Variants in CCDC171 observed in about 807,000 individuals in gnomAD.
The protein encoded by CCDC171 is coiled-coil domain-containing protein 171.
Under a neutral mutation model 168.2 loss-of-function variants are expected in CCDC171, and 177 were observed. The ratio of observed to expected loss-of-function variants is 1.05; its 90% CI spans 0.93 to 1.19. CCDC171 has a LOEUF of 1.19. CCDC171 is among the 50% of genes most tolerant of loss of function. The pLI is 0.00. For synonymous variants in CCDC171, 687 were observed against 540.8 expected (o/e 1.27, Z -3.75); for missense variants, 1,991 against 1,539.0 (o/e 1.29, Z -4.91).
intron 7 of CCDC171, among the ~76,000 whole-genome samples, chr9:15,628,473 G>A (rs908464125): frequency 6.6e-6 from 1 of 152,220 alleles, no homozygotes; most frequent in African/African-American, 2.4e-5. Context: ...GCGAGGCTAG[G>A]GGAGGGGCGG....
chr9:15,586,902 G>A (rs934213011), intron 4 of CCDC171, among the ~76,000 whole-genome samples: 9 of 151,992 alleles, frequency 5.9e-5, no homozygotes, highest in Non-Finnish European at 1.2e-4. Context: ...TGAACTCCTG[G>A]GCTTAAGCCA....
chr9:15,893,347 G>T (rs1376896369), intron 24 of CCDC171, among the ~76,000 whole-genome samples: 1 of 152,094 alleles, frequency 6.6e-6, no homozygotes, highest in African/African-American at 2.4e-5. Flanking sequence ...GAAAATCTAG[G>T]TAGTACCACT....
intron 21 of CCDC171, among the ~76,000 whole-genome samples, chr9:15,805,562 T>A (rs1187631235): frequency 6.6e-6 from 1 of 152,116 alleles, no homozygotes; most frequent in East Asian, 1.9e-4. Context: ...TTCCAGTGAA[T>A]TTTTTTAGCA....
At chr9:16,061,338 C>G (rs914565409), downstream of CCDC171, 8 of 152,172 alleles carry the variant, frequency 5.3e-5, no homozygotes, top group Non-Finnish European at 1.2e-4. Context: ...GTTCCTTGAG[C>G]TCTAACACTC....
At chr9:15,557,286 TG>T (rs1401088365) in intron 1 of CCDC171, among the ~76,000 whole-genome samples, 16 of 152,132 alleles carry the variant, frequency 1.1e-4, no homozygotes, top group Admixed American at 1.0e-3. Flanking sequence ...AGAAAGTCAT[TG>T]GTAGCTTGAT....
At chr9:16,092,504 C>T in the CCDC171 span, among the ~76,000 whole-genome samples, 12 of 152,196 alleles carry the variant, frequency 7.9e-5, no homozygotes. Context: ...TTTCCCACTG[C>T]TCCCCACCCC....
intron 6 of CCDC171, among the ~76,000 whole-genome samples, chr9:15,596,510 A>G (rs201830455): frequency 4.1e-4 from 61 of 148,790 alleles, no homozygotes; most frequent in Non-Finnish European, 7.0e-4. Context: ...CTATATCTCT[A>G]TTTTGGTACC....
chr9:15,702,772 C>T (rs1157836331), intron 11 of CCDC171, among the ~76,000 whole-genome samples: 1 of 152,206 alleles, frequency 6.6e-6, no homozygotes, highest in Non-Finnish European at 1.5e-5. Flanking sequence ...TTTGGCCTTA[C>T]ACTTTTGTGT....
In CCDC171 at chr9:15,616,239, A is replaced by C. The variant is rs183437290; in HGVS notation, c.676-7028A>C. ...AGTGCTGGGATTACAGGTGTGAGCC[A>C]CCACGCCCAGCCATTTCTGTTTATT... On this transcript the variant is annotated intron_variant, in intron 6 of 25. Coordinates refer to ENST00000380701, the MANE Select transcript of CCDC171 (RefSeq NM_173550.4). Among the ~76,000 whole-genome samples, 386 of 152,206 alleles carry C rather than the reference A, an allele frequency of 2.5e-3. 2 individuals carry two copies. The highest frequency in any genetic ancestry group is 4.1e-3 in the Non-Finnish European group (277 of 68,008).
intron 9 of CCDC171, among the ~76,000 whole-genome samples, chr9:15,674,956 G>C (rs1337045057): frequency 1.3e-5 from 2 of 152,044 alleles, no homozygotes; most frequent in East Asian, 3.9e-4. Flanking sequence ...TATTGACAGT[G>C]GGGTTTTAAA....
intron 25 of CCDC171, among the ~76,000 whole-genome samples, chr9:15,968,564 A>G: frequency 7.5e-6 from 1 of 133,284 alleles, no homozygotes; most frequent in Non-Finnish European, 1.6e-5. Context: ...TTTTTGAGAC[A>G]GAGTCTTGCT....
chr9:15,974,679 G>A (rs910707437), downstream of CCDC171, among the ~76,000 whole-genome samples: 2 of 152,128 alleles, frequency 1.3e-5, no homozygotes, highest in Non-Finnish European at 2.9e-5. Flanking sequence ...GTTTAGGATT[G>A]CAAAAATTGC....
intron 21 of CCDC171, among the ~76,000 whole-genome samples, chr9:15,832,041 C>G (rs1004568457): frequency 1.3e-5 from 2 of 151,996 alleles, no homozygotes; most frequent in African/African-American, 4.8e-5. Flanking sequence ...TAAAGAAGTA[C>G]TACTTACAAG....
At chr9:16,107,368 G>A in the CCDC171 span, among the ~76,000 whole-genome samples, 4 of 152,036 alleles carry the variant, frequency 2.6e-5, no homozygotes, top group South Asian at 2.1e-4. Flanking sequence ...TGGACTTTAC[G>A]TATATCTGAG....
chr9:15,840,346 C>G (rs2060625901), intron 21 of CCDC171, among the ~76,000 whole-genome samples: 1 of 152,060 alleles, frequency 6.6e-6, no homozygotes, highest in South Asian at 2.1e-4. Context: ...TTTTTTACAA[C>G]TTAATTCATA....
At chr9:15,743,080 C>A (rs2054997753) in intron 16 of CCDC171, among the ~76,000 whole-genome samples, 1 of 150,658 alleles carries the variant, frequency 6.6e-6, no homozygotes, top group African/African-American at 2.5e-5. Context: ...TGCCTGGCCC[C>A]AATAAATGTT....
intron 6 of CCDC171, among the ~76,000 whole-genome samples, chr9:15,613,690 T>G (rs1000949066): frequency 2.6e-5 from 4 of 151,938 alleles, no homozygotes; most frequent in Middle Eastern, 3.4e-3. Context: ...GCCCGGCTAA[T>G]TTTTTTGTAT....
intron 24 of CCDC171, among the ~76,000 whole-genome samples, chr9:15,895,792 A>G (rs1166717649): frequency 6.6e-6 from 1 of 152,086 alleles, no homozygotes; most frequent in Non-Finnish European, 1.5e-5. Flanking sequence ...CACATTAATA[A>G]AGCCAGTGGC....
chr9:15,626,992 G>C (rs1300929512), intron 7 of CCDC171, among the ~76,000 whole-genome samples: 1 of 152,184 alleles, frequency 6.6e-6, no homozygotes, highest in Admixed American at 6.5e-5. Flanking sequence ...CTCAATTTCA[G>C]AGCCTGTTAT....
Sources: gnomAD v4.1 joint callset for allele counts (sites outside exome capture counted in the v4.1 genomes callset) on GRCh38, gnomAD v4.1.1 for gene constraint, MANE v1.5 for transcripts, NCBI Gene and HGNC (gene_info 2026-07-23, HGNC 2026-07-21) for gene names.